Variants in C4orf17 observed in about 807,000 individuals in gnomAD.
C4orf17 encodes chromosome 4 open reading frame 17.
A neutral mutation model predicts 32.0 loss-of-function variants in C4orf17; 25 were observed. The ratio of observed to expected loss-of-function variants is 0.78; its 90% CI spans 0.57 to 1.09. C4orf17 has a LOEUF of 1.09. Among genes scored for constraint, C4orf17 ranks in the 50% least tolerant of loss-of-function variants. The pLI is 0.00. For missense variants in C4orf17, 420 were observed against 420.0 expected (o/e 1.00, Z 0.00); for synonymous variants, 149 against 145.8 (o/e 1.02, Z -0.16).
In C4orf17 at chr4:99,511,150, C is replaced by T. The variant is rs1243640381; in HGVS notation, c.-216C>T. 1 of 152,138 alleles carries T rather than the reference C, an allele frequency of 6.6e-6. No homozygotes were observed. The highest frequency in any genetic ancestry group is 1.5e-5 in the Non-Finnish European group (1 of 68,008). 9.4% of individuals were successfully genotyped at this position (152,138 alleles called of 1,614,324 possible). ...GTCTCTACCAACTAAAAACTTCTAG[C>T]TTAAGTGCAGAGATTTAAGGAGATC... On this transcript the variant is annotated 5_prime_UTR_variant, in exon 1 of 9. Coordinates refer to ENST00000326581, the MANE Select transcript of C4orf17 (RefSeq NM_032149.3).
At chr4:99,521,239 G>A (rs1723282668) in intron 2 of C4orf17, among the ~76,000 whole-genome samples, 1 of 152,014 alleles carries the variant, frequency 6.6e-6, no homozygotes, top group African/African-American at 2.4e-5. Context: ...CGGACATGAT[G>A]GTGCACATCT....
intron 2 of C4orf17, among the ~76,000 whole-genome samples, chr4:99,514,072 C>A (rs1723138781): frequency 6.6e-6 from 1 of 152,156 alleles, no homozygotes; most frequent in African/African-American, 2.4e-5. Context: ...ACCCTCACAC[C>A]CATCCCTGAG....
At chr4:99,536,687 T>C (rs927571819) in intron 5 of C4orf17, among the ~76,000 whole-genome samples, 6 of 152,154 alleles carry the variant, frequency 3.9e-5, no homozygotes, top group Non-Finnish European at 7.4e-5. Flanking sequence ...TCTCAGATTA[T>C]GTAGAGGAGC....
chr4:99,526,138 T>C (rs142561160), intron 4 of C4orf17, among the ~76,000 whole-genome samples: 445 of 152,358 alleles, frequency 2.9e-3, no homozygotes, highest in Admixed American at 3.9e-3. Flanking sequence ...TATTAGTGGA[T>C]GACCTTTATA....
At chr4:99,530,608 G>C (rs1723463230) in intron 5 of C4orf17, among the ~76,000 whole-genome samples, 1 of 152,062 alleles carries the variant, frequency 6.6e-6, no homozygotes, top group African/African-American at 2.4e-5. Flanking sequence ...AGGGTTAGAA[G>C]ATTGTAATGA....
At chr4:99,521,482 TG>T (rs1470513905) in intron 2 of C4orf17, among the ~76,000 whole-genome samples, 7 of 152,186 alleles carry the variant, frequency 4.6e-5, no homozygotes, top group Admixed American at 3.9e-4. Context: ...AGAGAAGCAG[TG>T]TGCAAACAGA....
At chr4:99,514,218 AC>A (rs1723140629) in intron 2 of C4orf17, among the ~76,000 whole-genome samples, 1 of 152,194 alleles carries the variant, frequency 6.6e-6, no homozygotes, top group African/African-American at 2.4e-5. Flanking sequence ...GACTAAGACC[AC>A]AAAAGCAAAT....
chr4:99,538,789 AT>A (rs111258501), intron 6 of C4orf17, among the ~76,000 whole-genome samples: 4,109 of 152,220 alleles, frequency 0.027, 86 homozygotes, highest in Non-Finnish European at 0.037. Flanking sequence ...GCTTGTAACT[AT>A]TTATTACCTA....
intron 5 of C4orf17, among the ~76,000 whole-genome samples, chr4:99,534,351 G>A (rs910578338): frequency 6.6e-6 from 1 of 152,162 alleles, no homozygotes; most frequent in East Asian, 1.9e-4. Flanking sequence ...TGGTGTATAT[G>A]TATCACATTT....
intron 5 of C4orf17, among the ~76,000 whole-genome samples, chr4:99,536,821 A>C (rs553313834): frequency 6.6e-6 from 1 of 152,326 alleles, no homozygotes; most frequent in East Asian, 1.9e-4. Context: ...CAGACAAAAC[A>C]AGACAAATGT....
At chr4:99,530,058 C>T in intron 5 of C4orf17, 100 bp downstream of exon 5, 1 of 886,302 alleles carries the variant, frequency 1.1e-6, no homozygotes, top group Non-Finnish European at 1.7e-6. Flanking sequence ...TGATTCCTTA[C>T]TGATAACTGA....
rs1723583756 is a variant in C4orf17 at position 99,537,660 on chromosome 4, C to T, written c.547-9C>T. ...TTTGCTCATATGTAACTCTAATGTT[C>T]TCTGTCAGATCCTGGCAAAGCTCTG... On this transcript the variant is annotated splice_polypyrimidine_tract_variant and intron_variant, in intron 5 of 8. Transcript: ENST00000326581. 6.2e-7 allele frequency: 1 copy of T among 1,605,350 alleles called. No homozygotes were observed. The highest frequency in any genetic ancestry group is 1.3e-5 in the African/African-American group (1 of 74,758).
rs1375398505 is a variant in C4orf17 at position 99,539,256 on chromosome 4, C to A, written c.722C>A (p.Ala241Glu). Residue 241 changes from alanine to glutamate, a missense_variant, in exon 7 of 9, where the codon GCA becomes GAA. By Grantham distance (107) the Ala-to-Glu change is moderately radical (BLOSUM62 -1). Transcript: ENST00000326581. ...AGAAACACCTCAATGGAACCAGCAG[C>A]AGAGACTGGGAAGCCACCCACAGTT... ...HRRNTSMEPA[A>E]ETGKPPTVKS... is the part of the protein sequence containing the mutation. 1 of 1,614,074 alleles carries A rather than the reference C, an allele frequency of 6.2e-7. No homozygotes were observed. The highest frequency in any genetic ancestry group is 1.7e-5 in the Admixed American group (1 of 60,014).
At chr4:99,519,669 A>C (rs1196261253) in intron 2 of C4orf17, among the ~76,000 whole-genome samples, 1 of 152,236 alleles carries the variant, frequency 6.6e-6, no homozygotes, top group Admixed American at 6.5e-5. Flanking sequence ...GTCCCTGAGC[A>C]ATTGATTTCA....
At chr4:99,513,882 A>T (rs1723135559) in intron 2 of C4orf17, among the ~76,000 whole-genome samples, 1 of 152,194 alleles carries the variant, frequency 6.6e-6, no homozygotes, top group African/African-American at 2.4e-5. Flanking sequence ...TACAAAGAGA[A>T]AAGGGTTCTG....
At chr4:99,521,165 A>G (rs1723281459) in intron 2 of C4orf17, among the ~76,000 whole-genome samples, 1 of 152,178 alleles carries the variant, frequency 6.6e-6, no homozygotes, top group Non-Finnish European at 1.5e-5. Flanking sequence ...CAAGGTCAGG[A>G]GTTCGAGACC....
intron 2 of C4orf17, among the ~76,000 whole-genome samples, chr4:99,518,544 T>TATATATATAGAGAG (rs1393245676): frequency 2.7e-5 from 1 of 36,830 alleles, no homozygotes; most frequent in Non-Finnish European, 4.5e-5. Flanking sequence ...TATATATATA[T>TATATATATAGAGAG]AGAGAGAGAG....
chr4:99,515,162 G>A (rs535019069), intron 2 of C4orf17, among the ~76,000 whole-genome samples: 9 of 152,244 alleles, frequency 5.9e-5, no homozygotes, highest in African/African-American at 1.9e-4. Context: ...CACTGCTTGG[G>A]TGATGGGTGC....
intron 8 of C4orf17, 28 bp downstream of exon 8, chr4:99,540,483 A>C (rs1212025559): frequency 6.5e-7 from 1 of 1,542,516 alleles, no homozygotes; most frequent in African/African-American, 1.4e-5. Context: ...GTAACTATTG[A>C]GTTGGTATAA....
Sources: gnomAD v4.1 joint callset for allele counts (sites outside exome capture counted in the v4.1 genomes callset) on GRCh38, gnomAD v4.1.1 for gene constraint, MANE v1.5 for transcripts, NCBI Gene and HGNC (gene_info 2026-07-23, HGNC 2026-07-21) for gene names.